The following CST3 variants were observed in gnomAD, a reference collection of about 807,000 sequenced individuals.
The protein encoded by CST3 is cystatin C.
A neutral mutation model predicts 9.0 loss-of-function variants in CST3; 14 were observed. The ratio of observed to expected loss-of-function variants is 1.56; its 90% CI spans 1.03 to 2.44. The LOEUF is 2.44. Ranked by LOEUF, CST3 falls within the 30% of genes most tolerant of loss-of-function variation. The probability of loss-of-function intolerance (pLI) is 0.00; values close to 1 mark genes in which losing one functional copy is unlikely to be tolerated. For missense variants in CST3, 237 were observed against 204.3 expected, an observed-to-expected ratio of 1.16 and a Z score of -0.98; for synonymous variants, 96 against 90.2, an observed-to-expected ratio of 1.06 and a Z score of -0.37.
chr20:23,633,540 C>T (rs1277649387), downstream of CST3: 12 of 393,138 alleles, frequency 3.1e-5, no homozygotes, highest in South Asian at 1.9e-4. Flanking sequence ...GCTGTGGCCG[C>T]GTCAGCTCCC....
chr20:23,635,182 TCACACACA>T lies in CST3; in HGVS notation c.357+64_357+71del, dbSNP rs3067508. 1.1e-4 allele frequency: 119 copies of T among 1,103,964 alleles called. No homozygotes were observed. In the South Asian group the frequency reaches 1.3e-3, roughly 12 times the overall value. 68.4% of individuals were successfully genotyped at this position (1,103,964 alleles called of 1,614,324 possible). A position where few individuals can be genotyped will look rare whatever the true frequency, so the allele number is the denominator to read the frequency against. On this transcript the variant is annotated intron_variant, in intron 2 of 2. Transcript: ENST00000376925. The stretch of plus-strand genomic sequence containing the variant: ...ACACGTACCCTGCAGAACATGTGCA[TCACACACA>T]CACACACACACACACACCCCTCTGC...
intron 1 of CST3, 143 bp downstream of exon 1, chr20:23,637,477 G>C: frequency 4.8e-6 from 4 of 838,070 alleles, no homozygotes; most frequent in South Asian, 2.2e-5. Context: ...CCAAGGGCTC[G>C]GGGGTGACAG....
intron 1 of CST3, 79 bp from the exon 2 acceptor site, chr20:23,635,446 G>A (rs548863640): frequency 7.6e-5 from 98 of 1,281,288 alleles, no homozygotes; most frequent in Non-Finnish European, 9.6e-5. Context: ...CACTGTGACC[G>A]GGTCACTGGG....
downstream of CST3, among the ~76,000 whole-genome samples, chr20:23,633,206 T>C (rs1196296342): frequency 6.6e-6 from 1 of 152,158 alleles, no homozygotes; most frequent in African/African-American, 2.4e-5. Context: ...TTGATCACTA[T>C]TTAGTGTCTA....
Position 23,637,852 on chromosome 20 carries a change from G to A in CST3, c.11C>T (p.Pro4Leu), listed in dbSNP as rs1186056045. The A allele has an allele frequency of 2.1e-6, 3 of 1,420,656 alleles. No homozygotes were observed. Among genetic ancestry groups the A allele is most frequent in the South Asian group, 1.6e-5 (1 of 63,768 alleles). The allele number at this position is 1,420,656 out of a possible 1,614,324, so 88.0% of individuals were successfully genotyped here. A position where few individuals can be genotyped will look rare whatever the true frequency, so the allele number is the denominator to read the frequency against. MAG[P>L]LRAPLLLLAI... ...CAGCAGGAGCAGCGGGGCGCGCAGG[G>A]GCCCGGCCATGGTCGGCTAGGACGC... The change falls in exon 1 of 3, where the codon CCC becomes CTC. Residue 4 changes from proline to leucine, a missense_variant. By Grantham distance (98) the Pro-to-Leu change is moderately conservative. Transcript: ENST00000376925.
intron 2 of CST3, among the ~76,000 whole-genome samples, chr20:23,635,037 CCCA>C (rs1357288798): frequency 2.6e-5 from 4 of 152,142 alleles, no homozygotes; most frequent in East Asian, 1.9e-4. Context: ...TGCATAAACC[CCCA>C]CACTTCCCCA....
rs1253070907 is a variant in CST3, at chr20:23,637,871, A to C, written c.-9T>G. On this transcript the variant is annotated 5_prime_UTR_variant, in exon 1 of 3. Coordinates refer to ENST00000376925, the MANE Select transcript of CST3 (RefSeq NM_000099.4). The stretch of plus-strand genomic sequence containing the variant: ...CGCAGGGGCCCGGCCATGGTCGGCT[A>C]GGACGCGGGACGCGGGGAGTGGGGC... The C allele has an allele frequency of 1.5e-6, 2 of 1,335,608 alleles. No individual in the cohort carries two copies. The highest frequency in any genetic ancestry group is 1.9e-6 in the Non-Finnish European group (2 of 1,047,360). 82.7% of individuals were successfully genotyped at this position (1,335,608 alleles called of 1,614,324 possible).
chr20:23,629,241 A>T (rs1262271807), downstream of CST3: 1 of 152,210 alleles, frequency 6.6e-6, no homozygotes, highest in Non-Finnish European at 1.5e-5. Flanking sequence ...CTCACGGGGA[A>T]ACTGCTATTG....
chr20:23,637,691 C>T lies in CST3; in HGVS notation c.172G>A (p.Gly58Ser), dbSNP rs867883438. Residue 58 changes from glycine (G) to serine (S), a missense_variant, in exon 1 of 3, where the codon GGC (glycine) becomes AGC (serine). By Grantham distance (56) the Gly-to-Ser change is moderately conservative. Transcript: ENST00000376925. ...TCGTTGCTGGCTTTGTTGTACTCGCCGACGGCAAAGTCCAGTGCACGCCGC... is the reference window on the plus strand; with the variant it reads ...TCGTTGCTGGCTTTGTTGTACTCGCTGACGGCAAAGTCCAGTGCACGCCGC... ...GVRRALDFAVGEYNKASNDMY... is the reference protein window; with the variant it reads ...GVRRALDFAVSEYNKASNDMY... 3 of 1,542,520 alleles carry T rather than the reference C, an allele frequency of 1.9e-6. No individual in the cohort carries two copies. The highest frequency in any genetic ancestry group is 2.6e-6 in the Non-Finnish European group (3 of 1,144,914).
At chr20:23,627,066 G>C (rs551874245) in exon 4 of CST3, 1 of 152,314 alleles carries the variant, frequency 6.6e-6, no homozygotes, top group East Asian at 1.9e-4. Flanking sequence ...CCCACTTAAA[G>C]TATACAATTC....
downstream of CST3, chr20:23,628,711 G>T (rs1372875190): frequency 6.6e-6 from 1 of 152,196 alleles, no homozygotes; most frequent in Non-Finnish European, 1.5e-5. Flanking sequence ...TAACCCACCT[G>T]CTCCTTGCTC....
chr20:23,634,997 C>T (rs1310460954), intron 2 of CST3, among the ~76,000 whole-genome samples: 3 of 152,034 alleles, frequency 2.0e-5, no homozygotes, highest in Non-Finnish European at 2.9e-5. Context: ...TATGTGCACA[C>T]ACATATACTC....
Position 23,637,848 on chromosome 20 carries a change from C to A in CST3, c.15G>T (p.Leu5=), listed in dbSNP as rs968879061. Residue 5 remains leucine, a synonymous_variant, in exon 1 of 3, where the codon CTG becomes CTT. Coordinates refer to ENST00000376925, the MANE Select transcript of CST3 (RefSeq NM_000099.4). MAGP[L]RAPLLLLAIL... ...TGGCCAGCAGGAGCAGCGGGGCGCG[C>A]AGGGGCCCGGCCATGGTCGGCTAGG... The A allele has an allele frequency of 7.0e-7, 1 of 1,431,166 alleles. No homozygotes were observed. Among genetic ancestry groups the A allele is most frequent in the Non-Finnish European group, 9.1e-7 (1 of 1,100,318 alleles). The allele number at this position is 1,431,166 out of a possible 1,614,324, so 88.7% of individuals were successfully genotyped here.
downstream of CST3, chr20:23,633,629 TC>T: frequency 1.7e-6 from 1 of 573,908 alleles, no homozygotes; most frequent in Non-Finnish European, 3.1e-6. Flanking sequence ...TGTGTGCACA[TC>T]CCCAGACAGC....
chr20:23,630,475 T>C (rs886708063), downstream of CST3, among the ~76,000 whole-genome samples: 1 of 152,226 alleles, frequency 6.6e-6, no homozygotes, highest in African/African-American at 2.4e-5. Context: ...ATTGTGTTCA[T>C]GGCTTCTCAG....
In CST3 at chr20:23,633,862, G is replaced by T; in HGVS notation, c.*54C>A. 6.9e-7 allele frequency: 1 copy of T among 1,443,870 alleles called. No homozygotes were observed. The highest frequency in any genetic ancestry group is 1.7e-5 in the Admixed American group (1 of 59,750). 89.4% of individuals were successfully genotyped at this position (1,443,870 alleles called of 1,614,324 possible). A position where few individuals can be genotyped will look rare whatever the true frequency, so the allele number is the denominator to read the frequency against. ...ACCAGTCCAGGGGTGGGAATACAGG[G>T]GGTGGGAGGTGTGCATAAGAGGTGA... On this transcript the variant is annotated 3_prime_UTR_variant, in exon 3 of 3. Transcript: ENST00000376925.
chr20:23,631,756 C>T (rs1568702034), downstream of CST3: 1 of 152,160 alleles, frequency 6.6e-6, no homozygotes, highest in Non-Finnish European at 1.5e-5. Flanking sequence ...ACCAGCAACA[C>T]AATGCAAGAG....
intron 1 of CST3, 58 bp downstream of exon 1, chr20:23,637,562 G>A (rs1024809474): frequency 9.3e-6 from 13 of 1,402,872 alleles, no homozygotes; most frequent in Non-Finnish European, 1.1e-5. Context: ...GGAGCAGCGC[G>A]GGGGGAGGCT....
In CST3 at chr20:23,636,496, G is replaced by A. The variant is rs560525633; in HGVS notation, c.243+1124C>T. 2.6e-5 allele frequency among the ~76,000 whole-genome samples: 4 copies of A among 152,306 alleles called. 1 individual carries two copies. The South Asian group carries it at 8.3e-4, about 32-fold the overall frequency. On this transcript the variant is annotated intron_variant, in intron 1 of 2. Transcript: ENST00000376925. ...GGGACTCAGCTGCCCTGGGATGTAGGGGGTGGTCAGCCGGCCTGAGGGTGA... is the reference window on the plus strand; with the variant it reads ...GGGACTCAGCTGCCCTGGGATGTAGAGGGTGGTCAGCCGGCCTGAGGGTGA...
Sources: allele counts gnomAD v4.1 joint callset (sites outside exome capture counted in the v4.1 genomes callset), GRCh38; gene constraint gnomAD v4.1.1; transcripts MANE v1.5; gene names NCBI Gene and HGNC (gene_info 2026-07-23, HGNC 2026-07-21).